Variants in MAMLD1 observed in about 807,000 individuals in gnomAD.
The protein encoded by MAMLD1 is mastermind-like domain-containing protein 1.
In MAMLD1, 14 loss-of-function variants were observed where a neutral mutation model predicts 45.0. The observed-to-expected ratio is 0.31, with a 90% CI of 0.21 to 0.49. The LOEUF is 0.49. MAMLD1 is among the 20% of genes least tolerant of loss of function. The pLI, the probability that MAMLD1 is intolerant of heterozygous loss-of-function variation, is 0.99. For missense variants in MAMLD1, 543 were observed against 603.6 expected (o/e 0.90, Z 1.05); for synonymous variants, 254 against 247.8 (o/e 1.02, Z -0.24).
chrX:150,377,076 G>A (rs1557401474), intron 1 of MAMLD1, among the ~76,000 whole-genome samples: 1 of 112,925 alleles, frequency 8.9e-6, no homozygotes, highest in African/African-American at 3.2e-5. Context: ...ACTCATTCCC[G>A]AACAGCCACC....
intron 1 of MAMLD1, among the ~76,000 whole-genome samples, chrX:150,372,361 T>C (rs1357406147): frequency 9.0e-6 from 1 of 111,184 alleles, no homozygotes; most frequent in Non-Finnish European, 1.9e-5. Context: ...TGGGAGGTTG[T>C]TTGGGTTTGG....
chrX:150,462,219 C>G (rs781995742), intron 2 of MAMLD1, among the ~76,000 whole-genome samples: 3 of 112,446 alleles, frequency 2.7e-5, no homozygotes, highest in Admixed American at 9.4e-5. Flanking sequence ...TCATCACACC[C>G]CTTCATTTAA....
intron 3 of MAMLD1, among the ~76,000 whole-genome samples, chrX:150,464,970 A>T (rs1474492970): frequency 2.7e-5 from 3 of 112,346 alleles, no homozygotes; most frequent in African/African-American, 9.7e-5. Flanking sequence ...AGACTAAATA[A>T]ACCACAGGCG....
chrX:150,403,997 AAGAAAGGAAGG>A (rs1162721911), intron 1 of MAMLD1, among the ~76,000 whole-genome samples: 4 of 75,927 alleles, frequency 5.3e-5, no homozygotes, highest in African/African-American at 9.9e-5. Context: ...AGAAAGAAAG[AAGAAAGGAAGG>A]AAGAAAGAAG....
chrX:150,444,607 A>T (rs1238909405), intron 1 of MAMLD1, among the ~76,000 whole-genome samples: 6 of 112,034 alleles, frequency 5.4e-5, no homozygotes, highest in African/African-American at 2.0e-4. Context: ...GGGGAAAAGT[A>T]CTTCTCCATA....
chrX:150,438,723 G>C (rs1266511440), intron 1 of MAMLD1, among the ~76,000 whole-genome samples: 1 of 112,295 alleles, frequency 8.9e-6, no homozygotes, highest in African/African-American at 3.2e-5. Context: ...ATATTCCACT[G>C]TGTGGATATA....
chrX:150,500,964 C>T (rs935871565), intron 5 of MAMLD1, among the ~76,000 whole-genome samples: 3 of 112,110 alleles, frequency 2.7e-5, no homozygotes, highest in Non-Finnish European at 5.6e-5. Flanking sequence ...TCCTGCTCCA[C>T]TTGATTGAGT....
intron 2 of MAMLD1, among the ~76,000 whole-genome samples, chrX:150,460,061 T>C (rs1349169009): frequency 1.8e-5 from 2 of 112,545 alleles, no homozygotes; most frequent in Non-Finnish European, 3.8e-5. Context: ...AAGATAACTA[T>C]GTGAATGCAT....
chrX:150,416,714 C>T (rs1176651849), intron 1 of MAMLD1, among the ~76,000 whole-genome samples: 1 of 112,453 alleles, frequency 8.9e-6, no homozygotes, highest in Non-Finnish European at 1.9e-5. Flanking sequence ...ATTGTTCCCT[C>T]CAAAGCTGGT....
intron 6 of MAMLD1, among the ~76,000 whole-genome samples, chrX:150,506,783 C>T (rs2037742257): frequency 8.9e-6 from 1 of 112,594 alleles, no homozygotes; most frequent in Non-Finnish European, 1.9e-5. Flanking sequence ...CAGTGCCTGG[C>T]GTGGGCTCAG....
At chrX:150,469,655 C>CGCTGTGTGTG (rs1557406187) in intron 3 of MAMLD1, 90 bp from the exon 4 acceptor site, 1 of 291,315 alleles carries the variant, frequency 3.4e-6, no homozygotes, top group African/African-American at 3.5e-5. Flanking sequence ...CTCTCTCTCT[C>CGCTGTGTGTG]TGTGTGTGTG....
chrX:150,441,088 C>T (rs2035301745), intron 1 of MAMLD1, among the ~76,000 whole-genome samples: 1 of 105,046 alleles, frequency 9.5e-6, no homozygotes, highest in African/African-American at 3.4e-5. Flanking sequence ...ATTTGTACAT[C>T]TTCATGCGGT....
intron 1 of MAMLD1, among the ~76,000 whole-genome samples, chrX:150,394,722 T>A (rs990926861): frequency 1.8e-4 from 20 of 111,816 alleles, no homozygotes; most frequent in Non-Finnish European, 3.2e-4. Context: ...TATGGTTTTT[T>A]TTAATTTTAA....
chrX:150,467,644 T>C (rs1306985605), intron 3 of MAMLD1, among the ~76,000 whole-genome samples: 1 of 112,715 alleles, frequency 8.9e-6, no homozygotes, highest in East Asian at 2.8e-4. Context: ...TCACTCAAGT[T>C]GGCAAGCCCC....
intron 1 of MAMLD1, among the ~76,000 whole-genome samples, chrX:150,391,134 C>T (rs1383082561): frequency 3.6e-5 from 4 of 111,874 alleles, no homozygotes; most frequent in Admixed American, 9.5e-5. Flanking sequence ...ATGCAATGTG[C>T]CTTGGCATGG....
intron 1 of MAMLD1, among the ~76,000 whole-genome samples, chrX:150,371,996 G>A (rs2032028505): frequency 8.9e-6 from 1 of 112,033 alleles, no homozygotes; most frequent in African/African-American, 3.3e-5. Context: ...CAGAACCCTG[G>A]TCTCTAGTTC....
At chrX:150,457,171 A>G (rs782436359) in intron 2 of MAMLD1, among the ~76,000 whole-genome samples, 1 of 112,788 alleles carries the variant, frequency 8.9e-6, no homozygotes, top group African/African-American at 3.2e-5. Flanking sequence ...TCTGGATGCC[A>G]TCATTTGGCC....
At chrX:150,455,289 G>C (rs928288482) in intron 2 of MAMLD1, among the ~76,000 whole-genome samples, 15 of 111,605 alleles carry the variant, frequency 1.3e-4, no homozygotes, top group African/African-American at 4.6e-4. Flanking sequence ...ATATACTGAG[G>C]ATTTCCTTTC....
chrX:150,449,462 C>G (rs143880467), intron 2 of MAMLD1, among the ~76,000 whole-genome samples: 19 of 111,563 alleles, frequency 1.7e-4, no homozygotes, highest in African/African-American at 5.9e-4. Flanking sequence ...TGACCTTAGA[C>G]ATATCCAGTA....
Sources: allele counts gnomAD v4.1 joint callset (sites outside exome capture counted in the v4.1 genomes callset), GRCh38; gene constraint gnomAD v4.1.1; transcripts MANE v1.5; gene names NCBI Gene and HGNC (gene_info 2026-07-23, HGNC 2026-07-21).